Variants in SNX14 observed in about 807,000 individuals in gnomAD.
SNX14 encodes the protein sorting nexin 14, also known as sorting nexin-14.
Under a neutral mutation model 133.8 loss-of-function variants are expected in SNX14, and 93 were observed. The observed-to-expected ratio is 0.70, with a 90% confidence interval of 0.59 to 0.83. SNX14 has a LOEUF of 0.83. Among genes scored for constraint, SNX14 ranks in the 40% least tolerant of loss-of-function variants. The pLI is 0.00. For missense variants in SNX14, 945 were observed against 1,094.9 expected (o/e 0.86, Z 1.93); for synonymous variants, 368 against 365.6 (o/e 1.01, Z -0.07).
At chr6:85,542,237 G>A (rs779843577) in intron 14 of SNX14, among the ~76,000 whole-genome samples, 194 bp from the exon 15 acceptor site, 13 of 152,172 alleles carry the variant, frequency 8.5e-5, no homozygotes, top group South Asian at 2.1e-4. Context: ...TGTAAATAAC[G>A]TGTATACAAT....
intron 1 of SNX14, among the ~76,000 whole-genome samples, chr6:85,585,871 G>A (rs1376602140): frequency 5.3e-5 from 8 of 151,528 alleles, no homozygotes; most frequent in South Asian, 4.2e-4. Context: ...ACACAGTATC[G>A]GTGGACATTA....
intron 21 of SNX14, among the ~76,000 whole-genome samples, chr6:85,525,905 A>G (rs1381321584): frequency 6.6e-6 from 1 of 152,178 alleles, no homozygotes; most frequent in Admixed American, 6.5e-5. Context: ...ACATTGACTA[A>G]TGTAATTTTC....
intron 7 of SNX14, 49 bp from the exon 8 acceptor site, chr6:85,549,928 A>G: frequency 6.6e-7 from 1 of 1,510,600 alleles, no homozygotes; most frequent in Non-Finnish European, 9.0e-7. Context: ...GACATTAAAT[A>G]ATTTCGGTCA....
chr6:85,543,041 T>C (rs981620953), intron 14 of SNX14, 141 bp downstream of exon 14: 13 of 824,464 alleles, frequency 1.6e-5, no homozygotes, highest in Non-Finnish European at 2.0e-5. Flanking sequence ...GTGCTGGGAT[T>C]ATAGGCGTGA....
chr6:85,517,925 G>C (rs758986332), intron 22 of SNX14, 50 bp from the exon 23 acceptor site: 1 of 1,578,418 alleles, frequency 6.3e-7, no homozygotes, highest in Admixed American at 1.9e-5. Context: ...GTAATTTTTA[G>C]TACATAATCC....
At chr6:85,588,288 A>AT (rs1801617687) in intron 1 of SNX14, among the ~76,000 whole-genome samples, 1 of 151,770 alleles carries the variant, frequency 6.6e-6, no homozygotes, top group Non-Finnish European at 1.5e-5. Flanking sequence ...AAAAAAATAA[A>AT]TAAGGCCAGG....
chr6:85,524,309 C>T (rs1777878320), intron 21 of SNX14, among the ~76,000 whole-genome samples: 1 of 152,104 alleles, frequency 6.6e-6, no homozygotes, highest in Admixed American at 6.5e-5. Context: ...TAGAAAACAC[C>T]TATATTTATG....
rs1782682613 is a variant in SNX14 at position 85,538,695 on chromosome 6, A to C, written c.1475+143T>G. 5 of 595,256 alleles carry C rather than the reference A, an allele frequency of 8.4e-6. No homozygotes were observed. In the East Asian group the frequency reaches 1.7e-4, roughly 20 times the overall value. 36.9% of individuals were successfully genotyped at this position (595,256 alleles called of 1,614,324 possible). A position where few individuals can be genotyped will look rare whatever the true frequency, so the allele number is the denominator to read the frequency against. On this transcript the variant is annotated intron_variant, in intron 16 of 28. Transcript: ENST00000314673. ...AGAATAAAAGTAGGTATTCATTTTA[A>C]AAGATTATCCTAAATAACTAGGATA...
At chr6:85,525,619 C>T (rs1778270025) in intron 21 of SNX14, among the ~76,000 whole-genome samples, 1 of 152,068 alleles carries the variant, frequency 6.6e-6, no homozygotes, top group South Asian at 2.1e-4. Context: ...TAAATAACTA[C>T]TACAAGTGAC....
At chr6:85,537,823 C>T (rs1442347566) in intron 16 of SNX14, among the ~76,000 whole-genome samples, 1 of 152,106 alleles carries the variant, frequency 6.6e-6, no homozygotes, top group Non-Finnish European at 1.5e-5. Flanking sequence ...GTGGCAGGCA[C>T]CTGTAATCCC....
At position 85,547,235 on chromosome 6, in the gene SNX14, A is replaced by G. The variant is rs1261638106; in HGVS notation, c.994-9T>C. On this transcript the variant is annotated splice_polypyrimidine_tract_variant and intron_variant, in intron 11 of 28. Coordinates refer to ENST00000314673, the MANE Select transcript of SNX14 (RefSeq NM_153816.6). ...AATTCTAACTTCAGCACCTTGATAT[A>G]AGAGAAAGATTAAGTTTAAGCTATA... 1.2e-6 allele frequency: 2 copies of G among 1,612,930 alleles called. No homozygotes were observed. The highest frequency in any genetic ancestry group is 2.2e-5 in the South Asian group (2 of 91,012).
intron 7 of SNX14, among the ~76,000 whole-genome samples, chr6:85,555,040 T>C (rs1352015776): frequency 2.0e-5 from 3 of 152,136 alleles, no homozygotes; most frequent in African/African-American, 7.2e-5. Context: ...CAGGCTTGTG[T>C]CAAACTCCTA....
At chr6:85,592,812 A>G (rs1261650468) in intron 1 of SNX14, among the ~76,000 whole-genome samples, 2 of 145,328 alleles carry the variant, frequency 1.4e-5, no homozygotes, top group Non-Finnish European at 3.0e-5. Flanking sequence ...AAACGGTGAA[A>G]CCCCGTCTCT....
intron 15 of SNX14, among the ~76,000 whole-genome samples, chr6:85,541,341 T>A (rs926625779): frequency 1.3e-5 from 2 of 152,222 alleles, no homozygotes; most frequent in Non-Finnish European, 2.9e-5. Context: ...TGATTTGCTA[T>A]TAAGTGACTT....
intron 1 of SNX14, among the ~76,000 whole-genome samples, chr6:85,590,911 C>G (rs548695765): frequency 6.6e-6 from 1 of 152,312 alleles, no homozygotes; most frequent in Admixed American, 6.5e-5. Flanking sequence ...CTTGAAATGG[C>G]AGGCAATCAC....
rs112345891 is a variant in SNX14, at chr6:85,511,749, T to C, written c.2653+2051A>G. Among the ~76,000 whole-genome samples the C allele has an allele frequency of 3.9e-3, 592 of 152,354 alleles. 2 individuals are homozygous for C. The highest frequency in any genetic ancestry group is 0.013 in the African/African-American group (559 of 41,594). On this transcript the variant is annotated intron_variant, in intron 26 of 28. Coordinates refer to ENST00000314673, the MANE Select transcript of SNX14 (RefSeq NM_153816.6). ...ACCAGCCTTGAATACCTGGGATAAA[T>C]CCCACTTGGTGTATAATTCTAACAT...
intron 6 of SNX14, among the ~76,000 whole-genome samples, chr6:85,560,676 T>C (rs912703174): frequency 2.0e-5 from 3 of 152,176 alleles, no homozygotes; most frequent in Non-Finnish European, 2.9e-5. Context: ...ACTACATACA[T>C]ATATATCTAT....
Position 85,510,795 on chromosome 6 carries a change from T to C in SNX14, c.2654-2736A>G, listed in dbSNP as rs143835398. 3.3e-5 allele frequency among the ~76,000 whole-genome samples: 5 copies of C among 152,332 alleles called. No individual in the cohort carries two copies. The East Asian group carries it at 9.6e-4, about 29-fold the overall frequency. ...AGAACAGTTGCTGTAAGTCTGTTCT[T>C]TTGCTAATATCACACTTTCTTGATT... On this transcript the variant is annotated intron_variant, in intron 26 of 28. Transcript: ENST00000314673.
chr6:85,511,324 G>A (rs1772739632), intron 26 of SNX14, among the ~76,000 whole-genome samples: 1 of 151,970 alleles, frequency 6.6e-6, no homozygotes, highest in Non-Finnish European at 1.5e-5. Context: ...GTCAATTTTT[G>A]GATATTCTAC....
Sources: gnomAD v4.1 joint callset for allele counts (sites outside exome capture counted in the v4.1 genomes callset) on GRCh38, gnomAD v4.1.1 for gene constraint, MANE v1.5 for transcripts, NCBI Gene and HGNC (gene_info 2026-07-23, HGNC 2026-07-21) for gene names.